Variants in DNAJC9 observed in about 807,000 individuals in gnomAD.
DNAJC9 encodes dnaJ homolog subfamily C member 9.
A neutral mutation model predicts 32.4 loss-of-function variants in DNAJC9; 18 were observed. The ratio of observed to expected loss-of-function variants is 0.56; its 90% CI spans 0.38 to 0.82. DNAJC9 has a LOEUF of 0.82. Among genes scored for constraint, DNAJC9 ranks in the 40% least tolerant of loss-of-function variants. The pLI is 0.00. For missense variants in DNAJC9, 310 were observed against 321.8 expected (o/e 0.96, Z 0.28); for synonymous variants, 113 against 122.1 (o/e 0.93, Z 0.49).
downstream of DNAJC9, among the ~76,000 whole-genome samples, chr10:73,240,412 T>C (rs927828352): frequency 6.6e-5 from 10 of 152,200 alleles, no homozygotes; most frequent in African/African-American, 1.7e-4. Flanking sequence ...TTCAGCCACA[T>C]TGAAAGTCAG....
chr10:73,239,652 CTTT>C (rs34824883), downstream of DNAJC9, among the ~76,000 whole-genome samples: 1 of 140,550 alleles, frequency 7.1e-6, no homozygotes, highest in Non-Finnish European at 1.6e-5. Context: ...GGTAAACTGC[CTTT>C]TTTTTTTTTT....
downstream of DNAJC9, among the ~76,000 whole-genome samples, chr10:73,240,355 A>C (rs2043913199): frequency 2.6e-5 from 4 of 152,196 alleles, no homozygotes; most frequent in Non-Finnish European, 5.9e-5. Context: ...GTAGTCTTTG[A>C]ATGCTTTTGT....
At chr10:73,239,155 T>C (rs1021875128), downstream of DNAJC9, 6 of 567,436 alleles carry the variant, frequency 1.1e-5, no homozygotes, top group Non-Finnish European at 1.9e-5. Context: ...ATTTTCTACT[T>C]GAAATTCAAC....
downstream of DNAJC9, chr10:73,239,371 C>A: frequency 6.4e-7 from 1 of 1,551,468 alleles, no homozygotes; most frequent in Non-Finnish European, 8.7e-7. Context: ...CCCGACCTGG[C>A]AGGGGATCTG....
chr10:73,233,013 C>A, intron 2 of DNAJC9: 1 of 1,551,806 alleles, frequency 6.4e-7, no homozygotes, highest in Non-Finnish European at 8.7e-7. Flanking sequence ...CCAAATCGAG[C>A]TGTGGAGTTT....
chr10:73,236,413 CTTTT>C (rs571460371), downstream of DNAJC9, among the ~76,000 whole-genome samples: 22 of 133,292 alleles, frequency 1.7e-4, no homozygotes, highest in East Asian at 6.3e-4. Context: ...CAATTTCTGC[CTTTT>C]TTTTTTTTTT....
At chr10:73,239,315 G>C, downstream of DNAJC9, 3 of 1,551,350 alleles carry the variant, frequency 1.9e-6, no homozygotes, top group South Asian at 2.4e-5. Flanking sequence ...CTTGTAGCTG[G>C]ATACACAGTA....
At chr10:73,238,814 C>A (rs573735451), downstream of DNAJC9, 1 of 152,400 alleles carries the variant, frequency 6.6e-6, no homozygotes, top group South Asian at 2.1e-4. Context: ...ATATTGTAGT[C>A]GTATCTCTAC....
chr10:73,245,188 G>A (rs1282912760), intron 3 of DNAJC9, among the ~76,000 whole-genome samples: 8 of 152,068 alleles, frequency 5.3e-5, no homozygotes, highest in Admixed American at 2.6e-4. Flanking sequence ...AATTTTCACC[G>A]GAAACAAAAA....
chr10:73,246,906 C>T lies in DNAJC9; in HGVS notation c.181-78G>A, dbSNP rs575873969. The T allele has an allele frequency of 1.6e-5, 25 of 1,601,418 alleles. No homozygotes were observed. In the African/African-American group the frequency reaches 2.4e-4, roughly 15 times the overall value. On this transcript the variant is annotated intron_variant, in intron 1 of 4. Transcript: ENST00000372950. Reference sequence around the variant, plus strand: ...GGCGCGAGAAATAAAGATCAGAAGGCGCCAAGCGGAGCTCAGCGCGCTCCC... The same window carrying T: ...GGCGCGAGAAATAAAGATCAGAAGGTGCCAAGCGGAGCTCAGCGCGCTCCC...
chr10:73,240,714 C>CAA (rs55812252), downstream of DNAJC9, among the ~76,000 whole-genome samples: 23 of 106,916 alleles, frequency 2.2e-4, no homozygotes, highest in East Asian at 5.5e-4. Context: ...ACTCCACCTC[C>CAA]AAAAAAAAAA....
chr10:73,245,960 T>C lies in DNAJC9; in HGVS notation c.538A>G (p.Lys180Glu), dbSNP rs1270530972. Residue 180 changes from lysine (K) to glutamate (E), a missense_variant, in exon 3 of 5, where the codon AAA becomes GAA. Physicochemically the swap from Lys to Glu is moderately conservative, Grantham distance 56. Transcript: ENST00000372950. Reference protein sequence around the residue: ...GEVPSYNAFVKESKQKMNARK... With the variant: ...GEVPSYNAFVEESKQKMNARK... ...GCATTCATCTTTTGTTTCGATTCTT[T>C]GACAAAGGCATTATAGGATGGGACC... 14 of 1,612,148 alleles carry C rather than the reference T, an allele frequency of 8.7e-6. No homozygotes were observed. Among genetic ancestry groups the C allele is most frequent in the Admixed American group, 1.7e-5 (1 of 59,356 alleles).
At chr10:73,233,607 G>A (rs2043759990) in intron 2 of DNAJC9, among the ~76,000 whole-genome samples, 2 of 152,218 alleles carry the variant, frequency 1.3e-5, no homozygotes, top group Non-Finnish European at 2.9e-5. Flanking sequence ...GTCTCCTAAA[G>A]TGCTGAGATT....
chr10:73,244,832 G>A (rs926850934), intron 3 of DNAJC9, among the ~76,000 whole-genome samples: 5 of 152,164 alleles, frequency 3.3e-5, no homozygotes, highest in African/African-American at 9.7e-5. Context: ...TATTAATACT[G>A]AGGATGATGA....
chr10:73,235,328 C>T (rs2271910), downstream of DNAJC9: 125,737 of 1,551,382 alleles, frequency 0.081, 7,693 homozygotes, highest in East Asian at 0.29. Flanking sequence ...GGTAGAGTGA[C>T]GTACTTCCTA....
intron 2 of DNAJC9, chr10:73,232,826 G>T: frequency 3.1e-6 from 2 of 645,990 alleles, no homozygotes; most frequent in Non-Finnish European, 5.4e-6. Flanking sequence ...TTTTATTTTT[G>T]CTTTATTTCC....
intron 3 of DNAJC9, among the ~76,000 whole-genome samples, chr10:73,245,429 C>T (rs1194203532): frequency 3.4e-5 from 5 of 146,412 alleles, no homozygotes; most frequent in Admixed American, 1.3e-4. Context: ...GGCTGGGGAC[C>T]GCTAAGCTAA....
intron 3 of DNAJC9, among the ~76,000 whole-genome samples, chr10:73,244,960 C>T (rs564274535): frequency 1.7e-4 from 26 of 152,268 alleles, no homozygotes; most frequent in African/African-American, 5.5e-4. Flanking sequence ...CCATTTTCTC[C>T]TCAAATTCTA....
downstream of DNAJC9, chr10:73,241,123 T>C: frequency 1.3e-6 from 1 of 745,466 alleles, no homozygotes; most frequent in South Asian, 1.5e-5. Context: ...CGACTAGAAA[T>C]CATCTTCATG....
Sources: allele counts gnomAD v4.1 joint callset (sites outside exome capture counted in the v4.1 genomes callset), GRCh38; gene constraint gnomAD v4.1.1; transcripts MANE v1.5; gene names NCBI Gene and HGNC (gene_info 2026-07-23, HGNC 2026-07-21).